Variants in LRRC37A2 observed in about 807,000 individuals in gnomAD.
LRRC37A2 encodes leucine-rich repeat-containing protein 37A2.
LRRC37A2 carries 9 observed loss-of-function variants against 68.8 expected under a neutral mutation model. The observed-to-expected ratio is 0.13, with a 90% CI of 0.08 to 0.23. LRRC37A2 has a LOEUF of 0.23. Among genes scored for constraint, LRRC37A2 ranks in the 10% least tolerant of loss-of-function variants. LRRC37A2 has a pLI of 1.00. For synonymous variants in LRRC37A2, 63 were observed against 367.6 expected (o/e 0.17, Z 9.48); for missense variants, 168 against 950.4 (o/e 0.18, Z 10.82).
At chr17:46,857,843 T>G in the LRRC37A2 span, among the ~76,000 whole-genome samples, 1 of 152,246 alleles carries the variant, frequency 6.6e-6, no homozygotes, top group African/African-American at 2.4e-5. Context: ...CATTTTCCCA[T>G]GTGTATATTG....
chr17:46,405,914 G>A, the LRRC37A2 span, among the ~76,000 whole-genome samples: 6 of 148,226 alleles, frequency 4.0e-5, no homozygotes, highest in African/African-American at 1.5e-4. Context: ...TGACCAAAAA[G>A]GCTGTTTTTT....
At chr17:46,810,164 G>A in the LRRC37A2 span, among the ~76,000 whole-genome samples, 21 of 151,688 alleles carry the variant, frequency 1.4e-4, no homozygotes, top group Admixed American at 1.2e-3. Context: ...CCACCACCAC[G>A]CCCAGCTAAT....
At chr17:46,818,467 C>T in the LRRC37A2 span, 4 of 1,560,134 alleles carry the variant, frequency 2.6e-6, no homozygotes, top group African/African-American at 4.1e-5. Flanking sequence ...CCCACCTTCC[C>T]CGGACGCGGC....
chr17:46,807,431 G>T, the LRRC37A2 span, among the ~76,000 whole-genome samples: 1 of 152,142 alleles, frequency 6.6e-6, no homozygotes, highest in African/African-American at 2.4e-5. Flanking sequence ...GCAGTGAGCC[G>T]AGATCATGCT....
chr17:46,784,579 C>T, the LRRC37A2 span, among the ~76,000 whole-genome samples: 248 of 152,204 alleles, frequency 1.6e-3, 2 homozygotes, highest in South Asian at 2.9e-3. Flanking sequence ...AGGGCCTGAA[C>T]CTCACACTAG....
the LRRC37A2 span, among the ~76,000 whole-genome samples, chr17:46,800,404 C>G: frequency 1.3e-5 from 2 of 152,220 alleles, no homozygotes; most frequent in African/African-American, 4.8e-5. Context: ...AGCCACCATG[C>G]CTGGCCTGAT....
chr17:46,958,075 C>G, the LRRC37A2 span, among the ~76,000 whole-genome samples: 1 of 152,156 alleles, frequency 6.6e-6, no homozygotes, highest in Non-Finnish European at 1.5e-5. Context: ...TCACCTCACC[C>G]GTAACCCATG....
At chr17:46,743,427 C>T in the LRRC37A2 span, among the ~76,000 whole-genome samples, 22 of 152,304 alleles carry the variant, frequency 1.4e-4, no homozygotes, top group Middle Eastern at 3.4e-3. Flanking sequence ...GAATCTCCAC[C>T]TCACACTCTA....
chr17:47,027,099 G>T, the LRRC37A2 span, among the ~76,000 whole-genome samples: 1 of 152,114 alleles, frequency 6.6e-6, no homozygotes, highest in Non-Finnish European at 1.5e-5. Context: ...TTTTTGTAGA[G>T]ACGGGGTTTC....
At chr17:46,923,659 T>C in the LRRC37A2 span, 3 of 1,033,556 alleles carry the variant, frequency 2.9e-6, no homozygotes, top group East Asian at 6.4e-5. Flanking sequence ...ATTTGTATTC[T>C]TATTCGATTT....
chr17:46,771,694 GGCCGGGCCGCGCCCCCGGCCCCGGC>G, the LRRC37A2 span, among the ~76,000 whole-genome samples: 22 of 142,820 alleles, frequency 1.5e-4, no homozygotes, highest in East Asian at 1.9e-3. Context: ...CGGCTCCCGC[GGCCGGGCCGCGCCCCCGGCCCCGGC>G]GCCGGGCCGC....
At chr17:46,982,829 G>A in the LRRC37A2 span, among the ~76,000 whole-genome samples, 1 of 152,202 alleles carries the variant, frequency 6.6e-6, no homozygotes, top group Admixed American at 6.5e-5. Flanking sequence ...GTTACAGTAA[G>A]GGAGGCAGCC....
chr17:46,973,832 G>A, the LRRC37A2 span, among the ~76,000 whole-genome samples: 5 of 152,232 alleles, frequency 3.3e-5, no homozygotes, highest in South Asian at 2.1e-4. Flanking sequence ...ATGTGTACAC[G>A]TATACCTTTC....
chr17:46,825,096 C>T, the LRRC37A2 span, among the ~76,000 whole-genome samples: 1 of 152,270 alleles, frequency 6.6e-6, no homozygotes, highest in Non-Finnish European at 1.5e-5. Context: ...TAACCCTGAG[C>T]CCCATCCCTG....
chr17:46,739,398 G>A, the LRRC37A2 span, among the ~76,000 whole-genome samples: 193 of 104,102 alleles, frequency 1.9e-3, no homozygotes, highest in African/African-American at 6.8e-3. Flanking sequence ...AAAAAGCCAA[G>A]CATGGTGGTG....
chr17:46,503,064 T>C, the LRRC37A2 span, among the ~76,000 whole-genome samples: 1 of 150,628 alleles, frequency 6.6e-6, no homozygotes, highest in African/African-American at 2.5e-5. Context: ...TACAGAAAAT[T>C]AGCCGGCAGT....
chr17:46,765,663 G>A, the LRRC37A2 span, among the ~76,000 whole-genome samples: 35 of 152,340 alleles, frequency 2.3e-4, no homozygotes, highest in African/African-American at 8.4e-4. Flanking sequence ...GCGGAGTCTC[G>A]GCCGAGCCTG....
the LRRC37A2 span, among the ~76,000 whole-genome samples, chr17:47,040,665 A>G: frequency 1.3e-5 from 1 of 76,314 alleles, no homozygotes; most frequent in South Asian, 6.2e-4. Flanking sequence ...AGTTTTTGCC[A>G]AGGGGCTCTG....
At chr17:46,940,248 A>G in the LRRC37A2 span, 4 of 1,422,798 alleles carry the variant, frequency 2.8e-6, no homozygotes, top group Non-Finnish European at 3.7e-6. Flanking sequence ...CTAATTTCAC[A>G]CTTTCGGTTG....
Sources: gnomAD v4.1 joint callset for allele counts (sites outside exome capture counted in the v4.1 genomes callset) on GRCh38, gnomAD v4.1.1 for gene constraint, MANE v1.5 for transcripts, NCBI Gene and HGNC (gene_info 2026-07-23, HGNC 2026-07-21) for gene names.